Variants in CA11 observed in about 807,000 individuals in gnomAD.
The protein encoded by CA11 is carbonic anhydrase 11 (inactive).
CA11 carries 20 observed loss-of-function variants against 39.3 expected under a neutral mutation model. That is an observed-to-expected ratio of 0.51 (90% confidence interval 0.36 to 0.74). The LOEUF is 0.74. Among genes scored for constraint, CA11 ranks in the 30% least tolerant of loss-of-function variants. The pLI is 0.00. For missense variants in CA11, 336 were observed against 424.6 expected (o/e 0.79, Z 1.83); for synonymous variants, 166 against 172.5 (o/e 0.96, Z 0.29).
Position 48,639,606 on chromosome 19 carries a change from T to C in CA11, c.583A>G (p.Asn195Asp). The stretch of plus-strand genomic sequence containing the variant: ...TTAAGGAGGCGACTGAGGAATGGGT[T>C]AGAGGTACTGGCAACCTGTGTGGGG... The part of the protein sequence containing the change: ...SLFVNVASTS[N>D]PFLSRLLNRD... Residue 195 changes from asparagine (N) to aspartate (D), a missense_variant, in exon 6 of 9, where the codon AAC becomes GAC. Transcript: ENST00000084798. 5 of 1,613,824 alleles carry C rather than the reference T, an allele frequency of 3.1e-6. No individual in the cohort carries two copies. The highest frequency in any genetic ancestry group is 4.2e-6 in the Non-Finnish European group (5 of 1,179,924).
Position 48,639,329 on chromosome 19 carries a change from C to G in CA11, c.771G>C (p.Arg257=). ...CCTGAAGGGAGGTGATATTGAGGGC[C>G]CGGTCAATGAGGATCCAGGTGACAG... ...SETVTWILID[R]ALNITSLQMH... Residue 257 remains arginine, a synonymous_variant, in exon 7 of 9, where the codon CGG becomes CGC. Transcript: ENST00000084798. The G allele has an allele frequency of 1.2e-6, 2 of 1,613,382 alleles. No homozygotes were observed. The highest frequency in any genetic ancestry group is 1.7e-6 in the Non-Finnish European group (2 of 1,179,872).
At chr19:48,639,224 G>C (rs2030980118) in intron 7 of CA11, 81 bp downstream of exon 7, 1 of 1,565,232 alleles carries the variant, frequency 6.4e-7, no homozygotes, top group Non-Finnish European at 8.7e-7. Context: ...TGAGGAGAGG[G>C]AGGGCAGGTG....
intron 8 of CA11, chr19:48,638,390 TGG>T: frequency 3.8e-6 from 1 of 264,984 alleles, no homozygotes; most frequent in Non-Finnish European, 4.8e-6. Flanking sequence ...GGGGGGGGTG[TGG>T]ACTGTACCAT....
At chr19:48,644,037 C>T (rs1302193859) in intron 3 of CA11, among the ~76,000 whole-genome samples, 5 of 151,928 alleles carry the variant, frequency 3.3e-5, no homozygotes, top group African/African-American at 4.8e-5. Flanking sequence ...GTGGAGGTTG[C>T]AGTGAGCTGA....
chr19:48,638,571 C>T (rs2030935939), intron 8 of CA11: 1 of 160,368 alleles, frequency 6.2e-6, no homozygotes, highest in South Asian at 2.0e-4. Context: ...CAAATTGTAC[C>T]ATTTTGGAAA....
chr19:48,639,242 G>A (rs2030980875), intron 7 of CA11, 63 bp downstream of exon 7: 2 of 1,590,154 alleles, frequency 1.3e-6, no homozygotes, highest in South Asian at 1.1e-5. Flanking sequence ...GTGAGCAAGG[G>A]GATGCCCAGG....
intron 2 of CA11, among the ~76,000 whole-genome samples, chr19:48,644,884 C>T (rs1293274499): frequency 6.6e-6 from 1 of 152,080 alleles, no homozygotes; most frequent in Non-Finnish European, 1.5e-5. Context: ...CGTGAGCCAC[C>T]GCGCCCAGCC....
At chr19:48,644,366 C>T in intron 3 of CA11, 61 bp downstream of exon 3, 10 of 1,460,428 alleles carry the variant, frequency 6.8e-6, no homozygotes, top group Non-Finnish European at 9.2e-6. Context: ...ACCCCATTCC[C>T]CAGCCTCTAT....
chr19:48,638,243 C>G (rs2030909989), intron 8 of CA11, 99 bp from the exon 9 acceptor site: 1 of 1,198,002 alleles, frequency 8.3e-7, no homozygotes, highest in Non-Finnish European at 1.0e-6. Flanking sequence ...GCCCTACCGT[C>G]GGAAGTCTGC....
At position 48,639,827 on chromosome 19, in the gene CA11, G is replaced by C; in HGVS notation, c.528C>G (p.Arg176=). 1 of 1,614,114 alleles carries C rather than the reference G, an allele frequency of 6.2e-7. No homozygotes were observed. The highest frequency in any genetic ancestry group is 1.7e-5 in the Admixed American group (1 of 60,014). ...TGAGAATGGCCAGGCCATTGGGGCC[G>C]CGGGAGGCAGCGCTGAAATTCCCGT... ...ELYGNFSAAS[R]GPNGLAILSL... is the part of the protein sequence containing the mutation. The change falls in exon 5 of 9, where the codon CGC becomes CGG. Residue 176 remains arginine (R), a synonymous_variant. Transcript: ENST00000084798.
Position 48,639,047 on chromosome 19 carries a change from A to AG in CA11, c.801dup (p.Ser268LeufsTer20), listed in dbSNP as rs1163387374. ...GGATTCTGGCTCAGGAGTCTCAGGG[A>AG]GTGCATCTGCAGTGGAAGGAGGGTG... On this transcript the variant is annotated frameshift_variant, in exon 8 of 9. Transcript: ENST00000084798. LOFTEE classifies it high-confidence loss of function. The AG allele has an allele frequency of 6.2e-7, 1 of 1,613,834 alleles. No homozygotes were observed. Among genetic ancestry groups the AG allele is most frequent in the Non-Finnish European group, 8.5e-7 (1 of 1,179,916 alleles).
At chr19:48,644,951 T>G (rs971574986) in intron 2 of CA11, among the ~76,000 whole-genome samples, 1 of 152,118 alleles carries the variant, frequency 6.6e-6, no homozygotes, top group Non-Finnish European at 1.5e-5. Flanking sequence ...CAGGCCCCAG[T>G]GCTACCAGCC....
Position 48,644,422 on chromosome 19 carries a change from C to G in CA11, c.285+5G>C. 1 of 1,584,704 alleles carries G rather than the reference C, an allele frequency of 6.3e-7. No individual in the cohort carries two copies. The highest frequency in any genetic ancestry group is 1.1e-5 in the South Asian group (1 of 87,494). On this transcript the variant is annotated splice_donor_5th_base_variant and intron_variant, in intron 3 of 8. Coordinates refer to ENST00000084798, the MANE Select transcript of CA11 (RefSeq NM_001217.5). ...TTCAATAGCTCCTCCCTCCAAGCCC[C>G]TTACCTTCTCTCCTCCAGTGCTGAG...
intron 4 of CA11, 105 bp from the exon 5 acceptor site, chr19:48,639,988 G>A (rs2031016675): frequency 6.7e-7 from 1 of 1,499,176 alleles, no homozygotes. Context: ...TAGGGTGGGA[G>A]GCCAGTTCTG....
In CA11 at chr19:48,645,868, C is replaced by T. The variant is rs2031235019; in HGVS notation, c.-236G>A. On this transcript the variant is annotated 5_prime_UTR_variant, in exon 1 of 9. Coordinates refer to ENST00000084798, the MANE Select transcript of CA11 (RefSeq NM_001217.5). ...TTTCCTCTTTCCTCTGCTCTTTTCC[C>T]GGAACCCTCCAGTCTCCCTCTAGCT... is the stretch of plus-strand genomic sequence containing the variant. 4 of 521,892 alleles carry T rather than the reference C, an allele frequency of 7.7e-6. No individual in the cohort carries two copies. Among genetic ancestry groups the T allele is most frequent in the Non-Finnish European group, 1.0e-5 (3 of 298,856 alleles). 32.3% of individuals were successfully genotyped at this position (521,892 alleles called of 1,614,324 possible). A position where few individuals can be genotyped will look rare whatever the true frequency, so the allele number is the denominator to read the frequency against.
chr19:48,639,292 G>A lies in CA11; in HGVS notation c.795+13C>T. 6.2e-7 allele frequency: 1 copy of A among 1,612,952 alleles called. No individual in the cohort carries two copies. Among genetic ancestry groups the A allele is most frequent in the Non-Finnish European group, 8.5e-7 (1 of 1,179,562 alleles). On this transcript the variant is annotated intron_variant, in intron 7 of 8. Coordinates refer to ENST00000084798, the MANE Select transcript of CA11 (RefSeq NM_001217.5). Reference sequence around the variant, plus strand: ...ACCCAGGCCTAGGAAGGGCGGTGCGGACAGAGGGTCACCTGAAGGGAGGTG... The same window carrying A: ...ACCCAGGCCTAGGAAGGGCGGTGCGAACAGAGGGTCACCTGAAGGGAGGTG...
intron 3 of CA11, among the ~76,000 whole-genome samples, chr19:48,641,747 C>T (rs1423229090): frequency 6.6e-6 from 1 of 152,006 alleles, no homozygotes; most frequent in African/African-American, 2.4e-5. Context: ...TGGGCTCAAA[C>T]GATCCTCCTG....
In CA11 at chr19:48,645,391, C is replaced by T. The variant is rs747721976; in HGVS notation, c.142+12G>A. ...GGAGGGCCGGACTCCTGGGTCCCCG[C>T]CTTGGCGGCACCTGGCACGAAGTTT... is the stretch of plus-strand genomic sequence containing the variant. On this transcript the variant is annotated intron_variant, in intron 2 of 8. Transcript: ENST00000084798. The T allele has an allele frequency of 2.5e-6, 4 of 1,571,950 alleles. No individual in the cohort carries two copies. The highest frequency in any genetic ancestry group is 1.4e-5 in the African/African-American group (1 of 74,050).
chr19:48,645,507 C>T, intron 1 of CA11, 30 bp from the exon 2 acceptor site: 1 of 1,600,436 alleles, frequency 6.2e-7, no homozygotes, highest in South Asian at 1.1e-5. Context: ...AATCCCTCTC[C>T]TTGGCATCCC....
Sources: gnomAD v4.1 joint callset for allele counts (sites outside exome capture counted in the v4.1 genomes callset) on GRCh38, gnomAD v4.1.1 for gene constraint, MANE v1.5 for transcripts, NCBI Gene and HGNC (gene_info 2026-07-23, HGNC 2026-07-21) for gene names.